AGTPBP1: variants seen among roughly 807,000 people sequenced by gnomAD.
AGTPBP1 encodes the protein ATP/GTP binding carboxypeptidase 1, also known as cytosolic carboxypeptidase 1.
AGTPBP1 carries 70 observed loss-of-function variants against 143.9 expected under a neutral mutation model. That is an observed-to-expected ratio of 0.49 (90% CI 0.40 to 0.59). AGTPBP1 has a LOEUF of 0.59. Ranked by LOEUF, AGTPBP1 falls within the 20% of genes least tolerant of loss-of-function variation. The pLI is 0.00. For synonymous variants in AGTPBP1, 463 were observed against 500.2 expected (o/e 0.93, Z 0.99); for missense variants, 1,229 against 1,464.5 (o/e 0.84, Z 2.62).
chr9:85,653,568 G>GACTC (rs1833305257), intron 11 of AGTPBP1, among the ~76,000 whole-genome samples: 1 of 152,128 alleles, frequency 6.6e-6, no homozygotes, highest in Non-Finnish European at 1.5e-5. Flanking sequence ...GCACAGGGAA[G>GACTC]ACTCACCAGC....
At chr9:85,723,217 G>A (rs1271326185) in intron 1 of AGTPBP1, among the ~76,000 whole-genome samples, 1 of 152,226 alleles carries the variant, frequency 6.6e-6, no homozygotes, top group Non-Finnish European at 1.5e-5. Context: ...AGAGCTGTCA[G>A]ACAGGGAAAA....
chr9:85,570,805 T>C (rs1489831744), intron 25 of AGTPBP1, among the ~76,000 whole-genome samples: 1 of 152,186 alleles, frequency 6.6e-6, no homozygotes, highest in Non-Finnish European at 1.5e-5. Flanking sequence ...ACAAAAATAA[T>C]TTTTAAAAAG....
At chr9:85,788,705 A>C in the AGTPBP1 span, among the ~76,000 whole-genome samples, 8 of 149,746 alleles carry the variant, frequency 5.3e-5, no homozygotes, top group South Asian at 1.7e-3. Context: ...TAGGGTATAC[A>C]TTATACATTA....
At chr9:85,661,363 T>C (rs113361157) in intron 8 of AGTPBP1, among the ~76,000 whole-genome samples, 30 of 152,160 alleles carry the variant, frequency 2.0e-4, no homozygotes, top group African/African-American at 7.0e-4. Flanking sequence ...TAAAAACAAA[T>C]CTTAACACAA....
intron 8 of AGTPBP1, among the ~76,000 whole-genome samples, chr9:85,663,811 AT>A (rs11313588): frequency 0.035 from 5,318 of 152,172 alleles, 330 homozygotes; most frequent in African/African-American, 0.12. Context: ...AAATAAAAAA[AT>A]ATATGACCAT....
At chr9:85,627,565 A>G (rs1831381912) in intron 14 of AGTPBP1, among the ~76,000 whole-genome samples, 1 of 152,156 alleles carries the variant, frequency 6.6e-6, no homozygotes, top group Non-Finnish European at 1.5e-5. Flanking sequence ...ACTGCTCACC[A>G]TAACTCCCAT....
Position 85,633,299 on chromosome 9 carries a change from T to G in AGTPBP1, c.1378A>C (p.Thr460Pro), listed in dbSNP as rs1375829417. The G allele has an allele frequency of 6.2e-7, 1 of 1,613,852 alleles. No homozygotes were observed. The highest frequency in any genetic ancestry group is 2.2e-5 in the East Asian group (1 of 44,868). Reference sequence around the variant, plus strand: ...TTCCCAGATGTTTCCTCGCCTGCCGTAGGAACAACAATAGGACCACGTACT... The same window carrying G: ...TTCCCAGATGTTTCCTCGCCTGCCGGAGGAACAACAATAGGACCACGTACT... Reference protein sequence around the residue: ...GKVRGPIVVPTAGEETSGNSG... With the variant: ...GKVRGPIVVPPAGEETSGNSG... The change falls in exon 14 of 26, where the codon ACG (threonine) becomes CCG (proline). Residue 460 changes from threonine (T) to proline (P), a missense_variant. Physicochemically the swap from Thr to Pro is conservative, Grantham distance 38 (BLOSUM62 -1). This residue lies in a region of AGTPBP1 where 743 missense variants were observed against 812.2 expected (regional missense o/e 0.91). Transcript: ENST00000357081.
intron 1 of AGTPBP1, chr9:85,741,353 G>A: frequency 1.0e-6 from 1 of 985,382 alleles, no homozygotes; most frequent in Non-Finnish European, 1.2e-6. Context: ...CACTGGGGCG[G>A]GGGAGAGCGG....
chr9:85,682,832 C>T (rs1396256633), intron 3 of AGTPBP1, among the ~76,000 whole-genome samples: 1 of 152,184 alleles, frequency 6.6e-6, no homozygotes, highest in African/African-American at 2.4e-5. Flanking sequence ...TCCTGTTCAA[C>T]TTCATGAATC....
At chr9:85,710,134 G>C (rs1269355221) in intron 2 of AGTPBP1, among the ~76,000 whole-genome samples, 1 of 151,986 alleles carries the variant, frequency 6.6e-6, no homozygotes, top group African/African-American at 2.4e-5. Context: ...TTCTTTATCA[G>C]TTTACAGGCT....
At chr9:85,757,909 C>T in the AGTPBP1 span, among the ~76,000 whole-genome samples, 1,314 of 152,286 alleles carry the variant, frequency 8.6e-3, 23 homozygotes, top group African/African-American at 0.03. Flanking sequence ...CAAAAAAACT[C>T]CAAGTAGGGA....
chr9:85,755,591 A>T, the AGTPBP1 span, among the ~76,000 whole-genome samples: 2 of 152,078 alleles, frequency 1.3e-5, no homozygotes, highest in East Asian at 3.9e-4. Context: ...TCACTCATTC[A>T]TTTAACATTT....
At chr9:85,742,168 G>C (rs1301429989), upstream of AGTPBP1, 2 of 511,370 alleles carry the variant, frequency 3.9e-6, no homozygotes, top group East Asian at 5.5e-5. Context: ...GCGCGCGTGG[G>C]GGCGGAGCGC....
At chr9:85,800,611 G>A in the AGTPBP1 span, among the ~76,000 whole-genome samples, 16 of 152,216 alleles carry the variant, frequency 1.1e-4, no homozygotes, top group East Asian at 1.9e-3. Flanking sequence ...GGAGACAAAC[G>A]TATGTTCAAT....
chr9:85,635,178 T>A (rs667494), intron 13 of AGTPBP1, among the ~76,000 whole-genome samples: 1 of 151,992 alleles, frequency 6.6e-6, no homozygotes. Flanking sequence ...AATCCACCAG[T>A]TAACCCATTT....
At chr9:85,728,660 T>A (rs1448876181) in intron 1 of AGTPBP1, among the ~76,000 whole-genome samples, 1 of 152,158 alleles carries the variant, frequency 6.6e-6, no homozygotes. Flanking sequence ...TCTTTTAGTT[T>A]TAAAAGGCAA....
chr9:85,681,725 T>C (rs1441704609), intron 3 of AGTPBP1, among the ~76,000 whole-genome samples: 1 of 151,010 alleles, frequency 6.6e-6, no homozygotes, highest in African/African-American at 2.4e-5. Flanking sequence ...CATTTTCCAA[T>C]GCTATGATTG....
At chr9:85,556,793 A>G (rs1826373907) in intron 25 of AGTPBP1, among the ~76,000 whole-genome samples, 1 of 152,202 alleles carries the variant, frequency 6.6e-6, no homozygotes, top group South Asian at 2.1e-4. Context: ...CACATCTACT[A>G]TAATAATACA....
the AGTPBP1 span, among the ~76,000 whole-genome samples, chr9:85,788,337 AC>A: frequency 5.3e-5 from 8 of 150,118 alleles, no homozygotes; most frequent in Non-Finnish European, 8.9e-5. Flanking sequence ...AATCATAGAA[AC>A]CAAAGGTAAA....
Sources: gnomAD v4.1 joint callset for allele counts (sites outside exome capture counted in the v4.1 genomes callset) on GRCh38, gnomAD v4.1.1 for gene constraint, gnomAD v4.1.1 regional missense constraint, MANE v1.5 for transcripts, NCBI Gene and HGNC (gene_info 2026-07-23, HGNC 2026-07-21) for gene names.